The following ADARB2 variants were observed in gnomAD, a reference collection of about 807,000 sequenced individuals.
The protein encoded by ADARB2 is inactive double-stranded RNA-specific editase B2.
ADARB2 carries 25 observed loss-of-function variants against 62.2 expected under a neutral mutation model. The ratio of observed to expected loss-of-function variants is 0.40; its 90% CI spans 0.29 to 0.56. The LOEUF (loss-of-function observed/expected upper bound fraction) is 0.56, where lower values mean the gene tolerates loss of function less well. Ranked by LOEUF, ADARB2 falls within the 20% of genes least tolerant of loss-of-function variation. The pLI is 0.43. For synonymous variants in ADARB2, 572 were observed against 500.8 expected (o/e 1.14, Z -1.90); for missense variants, 1,071 against 1,077.4 (o/e 0.99, Z 0.08).
intron 3 of ADARB2, among the ~76,000 whole-genome samples, chr10:1,277,526 CACAT>C (rs1228479030): frequency 6.6e-6 from 1 of 152,196 alleles, no homozygotes; most frequent in Non-Finnish European, 1.5e-5. Context: ...AATTCCTCGA[CACAT>C]ACACCCTCCC....
intron 1 of ADARB2, among the ~76,000 whole-genome samples, chr10:1,653,875 G>A (rs1283477414): frequency 1.3e-5 from 2 of 152,108 alleles, no homozygotes; most frequent in East Asian, 1.9e-4. Context: ...AGCAGCTTGC[G>A]ATTGAAAGGC....
chr10:1,516,181 C>T (rs773564160), intron 1 of ADARB2, among the ~76,000 whole-genome samples: 6 of 152,168 alleles, frequency 3.9e-5, no homozygotes, highest in African/African-American at 7.2e-5. Context: ...GGCCTCATTG[C>T]GGGCTGACCT....
At chr10:1,592,340 A>G (rs113098659) in intron 1 of ADARB2, among the ~76,000 whole-genome samples, 80 of 134,346 alleles carry the variant, frequency 6.0e-4, no homozygotes, top group African/African-American at 1.9e-3. Context: ...GCCACCCTCC[A>G]TAGGTCTCCT....
intron 1 of ADARB2, among the ~76,000 whole-genome samples, chr10:1,417,994 T>G (rs1318677838): frequency 6.6e-6 from 1 of 152,210 alleles, no homozygotes; most frequent in Non-Finnish European, 1.5e-5. Context: ...ATAAGCCCCT[T>G]GCAGTACATT....
chr10:1,492,027 T>A (rs1831628575), intron 1 of ADARB2, among the ~76,000 whole-genome samples: 1 of 152,248 alleles, frequency 6.6e-6, no homozygotes, highest in Non-Finnish European at 1.5e-5. Context: ...TTTTGTGATA[T>A]AAGCATCACT....
chr10:1,179,582 A>G lies in ADARB2; in HGVS notation c.*3611T>C, dbSNP rs1030779451. 2.0e-5 allele frequency: 3 copies of G among 152,232 alleles called. No homozygotes were observed. The highest frequency in any genetic ancestry group is 7.2e-5 in the African/African-American group (3 of 41,456). 9.4% of individuals were successfully genotyped at this position (152,232 alleles called of 1,614,324 possible). A position where few individuals can be genotyped will look rare whatever the true frequency, so the allele number is the denominator to read the frequency against. On this transcript the variant is annotated 3_prime_UTR_variant, in exon 10 of 10. Transcript: ENST00000381312. ...TCCTGCAAAAAGGCCAGAAACCACCAGACACTAACTTTTTGACTAAGAACC... is the reference window on the plus strand; with the variant it reads ...TCCTGCAAAAAGGCCAGAAACCACCGGACACTAACTTTTTGACTAAGAACC...
intron 3 of ADARB2, among the ~76,000 whole-genome samples, chr10:1,336,081 A>G (rs983932406): frequency 1.3e-5 from 2 of 152,092 alleles, no homozygotes; most frequent in African/African-American, 4.8e-5. Context: ...ATTTTAAGAA[A>G]CTCTAATATG....
chr10:1,638,365 T>G (rs1833938956), intron 1 of ADARB2, among the ~76,000 whole-genome samples: 1 of 152,248 alleles, frequency 6.6e-6, no homozygotes, highest in Non-Finnish European at 1.5e-5. Flanking sequence ...ACTAACTTGA[T>G]GTCACATATA....
intron 3 of ADARB2, among the ~76,000 whole-genome samples, chr10:1,300,896 T>C (rs1048206929): frequency 2.6e-5 from 4 of 152,202 alleles, no homozygotes; most frequent in Admixed American, 2.6e-4. Flanking sequence ...GCTTAGAAGA[T>C]AAAGCAATAT....
chr10:1,386,878 G>T (rs973117003), intron 1 of ADARB2, among the ~76,000 whole-genome samples: 2 of 151,762 alleles, frequency 1.3e-5, no homozygotes, highest in Non-Finnish European at 3.0e-5. Flanking sequence ...AATAAAAAAG[G>T]TCTCAATAAA....
In ADARB2 at chr10:1,235,008, A is replaced by G. The variant is rs569337822; in HGVS notation, c.1362-1163T>C. On this transcript the variant is annotated intron_variant, in intron 5 of 9. Transcript: ENST00000381312. ...GTGATCCACCCGCCTTGGCCCCCCAAAGAGCTGGGATTACAGGCGAGAGCC... is the reference window on the plus strand; with the variant it reads ...GTGATCCACCCGCCTTGGCCCCCCAGAGAGCTGGGATTACAGGCGAGAGCC... 8.5e-5 allele frequency among the ~76,000 whole-genome samples: 13 copies of G among 152,184 alleles called. No homozygotes were observed. The South Asian group carries it at 2.3e-3, about 27-fold the overall frequency.
chr10:1,505,601 C>T (rs986701946), intron 1 of ADARB2, among the ~76,000 whole-genome samples: 1 of 152,312 alleles, frequency 6.6e-6, no homozygotes, highest in Non-Finnish European at 1.5e-5. Context: ...CCCAGCCAGG[C>T]GCGTCAGCCG....
At chr10:1,366,659 T>G (rs1460325712) in intron 2 of ADARB2, among the ~76,000 whole-genome samples, 1 of 152,222 alleles carries the variant, frequency 6.6e-6, no homozygotes, top group Non-Finnish European at 1.5e-5. Flanking sequence ...TCGTCTGTGT[T>G]GTTGCTGTAA....
At chr10:1,380,110 A>T (rs147070634) in intron 1 of ADARB2, among the ~76,000 whole-genome samples, 64 of 152,338 alleles carry the variant, frequency 4.2e-4, no homozygotes, top group African/African-American at 1.5e-3. Flanking sequence ...TGCACTGCAG[A>T]GGAGACGCCA....
At chr10:1,435,206 G>C (rs1012173441) in intron 1 of ADARB2, among the ~76,000 whole-genome samples, 1 of 152,220 alleles carries the variant, frequency 6.6e-6, no homozygotes, top group African/African-American at 2.4e-5. Flanking sequence ...GTGCTGGCTG[G>C]GGGGCTGGGA....
intron 1 of ADARB2, among the ~76,000 whole-genome samples, chr10:1,568,616 A>C (rs189976548): frequency 1.3e-5 from 2 of 150,864 alleles, no homozygotes; most frequent in African/African-American, 2.5e-5. Context: ...GGGAGGGAGG[A>C]AGGAAGGAAG....
intron 5 of ADARB2, among the ~76,000 whole-genome samples, chr10:1,234,867 G>A (rs1389911346): frequency 1.4e-5 from 2 of 144,252 alleles, no homozygotes; most frequent in Admixed American, 7.4e-5. Flanking sequence ...TCCTGCCTCA[G>A]CCTCCTGAGT....
chr10:1,541,662 C>G (rs1457861202), intron 1 of ADARB2, among the ~76,000 whole-genome samples: 2 of 46,458 alleles, frequency 4.3e-5, no homozygotes, highest in African/African-American at 2.2e-4. Flanking sequence ...CCCTGGATCA[C>G]AGCCGCCCAG....
chr10:1,533,171 T>C (rs1202773229), intron 1 of ADARB2, among the ~76,000 whole-genome samples: 1 of 150,150 alleles, frequency 6.7e-6, no homozygotes, highest in Non-Finnish European at 1.5e-5. Context: ...CAGGCTGGAG[T>C]GCAGTGGGGT....
Sources: allele counts gnomAD v4.1 joint callset (sites outside exome capture counted in the v4.1 genomes callset), GRCh38; gene constraint gnomAD v4.1.1; transcripts MANE v1.5; gene names NCBI Gene and HGNC (gene_info 2026-07-23, HGNC 2026-07-21).